The following SEMA3E variants were observed in gnomAD, a reference collection of about 807,000 sequenced individuals.
SEMA3E encodes semaphorin 3E.
In SEMA3E, 49 loss-of-function variants were observed where a neutral mutation model predicts 93.6. The ratio of observed to expected loss-of-function variants is 0.52; its 90% CI spans 0.42 to 0.66. SEMA3E has a LOEUF of 0.66. Ranked by LOEUF, SEMA3E falls within the 30% of genes least tolerant of loss-of-function variation. The pLI, the probability that SEMA3E is intolerant of heterozygous loss-of-function variation, is 0.00. For missense variants in SEMA3E, 906 were observed against 964.8 expected (o/e 0.94, Z 0.81); for synonymous variants, 363 against 330.7 (o/e 1.10, Z -1.06).
chr7:83,525,685 G>C (rs1429358218), intron 1 of SEMA3E, among the ~76,000 whole-genome samples: 1 of 149,236 alleles, frequency 6.7e-6, no homozygotes, highest in Non-Finnish European at 1.5e-5. Flanking sequence ...ATTTGATCTT[G>C]TTTCATGGAT....
intron 1 of SEMA3E, among the ~76,000 whole-genome samples, chr7:83,593,083 G>A (rs1220720455): frequency 6.6e-6 from 1 of 152,078 alleles, no homozygotes; most frequent in Non-Finnish European, 1.5e-5. Flanking sequence ...CTCCAAAAAT[G>A]CTTGGATTAC....
chr7:83,473,824 T>G (rs1789952512), intron 2 of SEMA3E, among the ~76,000 whole-genome samples: 1 of 152,124 alleles, frequency 6.6e-6, no homozygotes, highest in Non-Finnish European at 1.5e-5. Flanking sequence ...ACAGGTGAGG[T>G]GGCTCATGCC....
At chr7:83,452,755 C>T (rs1789391350) in intron 4 of SEMA3E, among the ~76,000 whole-genome samples, 1 of 152,078 alleles carries the variant, frequency 6.6e-6, no homozygotes, top group Non-Finnish European at 1.5e-5. Context: ...AGGAACAATC[C>T]CTCTATTCTA....
chr7:83,489,691 A>G (rs1042939897), intron 2 of SEMA3E, among the ~76,000 whole-genome samples: 1 of 152,134 alleles, frequency 6.6e-6, no homozygotes, highest in Non-Finnish European at 1.5e-5. Flanking sequence ...ATCCACCTGA[A>G]GTAGTGATAT....
chr7:83,494,701 T>C (rs934890051), intron 1 of SEMA3E, among the ~76,000 whole-genome samples: 3 of 151,986 alleles, frequency 2.0e-5, no homozygotes, highest in Non-Finnish European at 4.4e-5. Flanking sequence ...ACCGCTTCAC[T>C]GTACTGATTC....
intron 1 of SEMA3E, among the ~76,000 whole-genome samples, chr7:83,508,713 A>G (rs910107851): frequency 2.0e-5 from 3 of 152,296 alleles, no homozygotes; most frequent in Non-Finnish European, 2.9e-5. Context: ...TTTATTATAA[A>G]TTATCTATGG....
intron 1 of SEMA3E, among the ~76,000 whole-genome samples, chr7:83,515,031 G>C (rs1790898326): frequency 6.6e-6 from 1 of 152,036 alleles, no homozygotes. Context: ...AGCAACCTCT[G>C]TTGCCAGTAG....
In SEMA3E at chr7:83,648,938, C is replaced by T. The variant is rs949915481; in HGVS notation, c.-396G>A. On this transcript the variant is annotated 5_prime_UTR_variant, in exon 1 of 17. Coordinates refer to ENST00000643230, the MANE Select transcript of SEMA3E (RefSeq NM_012431.3). ...AAACCGAGCACACGCACTCCCTTCT[C>T]CCGTGGAGGTCCTCTCTTCGGGCTC... The T allele has an allele frequency of 4.9e-6, 1 of 204,368 alleles. No homozygotes were observed. Among genetic ancestry groups the T allele is most frequent in the Admixed American group, 5.3e-5 (1 of 18,824 alleles). The allele number at this position is 204,368 out of a possible 1,614,324, so 12.7% of individuals were successfully genotyped here.
chr7:83,642,598 A>T (rs903887577), intron 1 of SEMA3E, among the ~76,000 whole-genome samples: 1 of 152,074 alleles, frequency 6.6e-6, no homozygotes, highest in South Asian at 2.1e-4. Flanking sequence ...AAGACTAAGG[A>T]ATTAATAATA....
At chr7:83,409,523 C>G (rs544197083) in intron 5 of SEMA3E, among the ~76,000 whole-genome samples, 1 of 152,246 alleles carries the variant, frequency 6.6e-6, no homozygotes, top group African/African-American at 2.4e-5. Flanking sequence ...AGTTCTAAAA[C>G]AGATATGATT....
intron 16 of SEMA3E, chr7:83,372,934 A>T (rs1359558394): frequency 6.6e-6 from 1 of 152,176 alleles, no homozygotes; most frequent in African/African-American, 2.4e-5. Context: ...GGGTACCTCC[A>T]ACATCAAATC....
At chr7:83,627,618 G>A (rs1014983101) in intron 1 of SEMA3E, among the ~76,000 whole-genome samples, 10 of 142,078 alleles carry the variant, frequency 7.0e-5, no homozygotes, top group African/African-American at 1.8e-4. Context: ...GATGAAGATC[G>A]CAACCCCTGC....
At chr7:83,497,877 T>C (rs1486386922) in intron 1 of SEMA3E, among the ~76,000 whole-genome samples, 1 of 152,164 alleles carries the variant, frequency 6.6e-6, no homozygotes, top group African/African-American at 2.4e-5. Flanking sequence ...CAGATATACA[T>C]AGGAATAGCC....
In SEMA3E at chr7:83,490,097, G is replaced by T. The variant is rs769771402; in HGVS notation, c.276+17C>A. 5.6e-6 allele frequency: 9 copies of T among 1,610,722 alleles called. No homozygotes were observed. The highest frequency in any genetic ancestry group is 1.1e-5 in the South Asian group (1 of 90,988). ...CCTTTTCTATCTCTACTGAAATGCA[G>T]TTTGATATTTCTATACCTCTTTATA... On this transcript the variant is annotated intron_variant, in intron 2 of 16. Transcript: ENST00000643230.
Position 83,367,631 on chromosome 7 carries a change from G to A in SEMA3E, c.2283C>T (p.Ser761=), listed in dbSNP as rs80079143. 1,335 of 1,614,134 alleles carry A rather than the reference G, an allele frequency of 8.3e-4. 13 individuals carry two copies. The African/African-American group carries it at 0.016, about 19-fold the overall frequency. The change falls in exon 17 of 17, where the codon TCC becomes TCT. Residue 761 remains serine, a synonymous_variant. Transcript: ENST00000643230. The stretch of plus-strand genomic sequence containing the variant: ...TGGGCAGGCGGTAATGCTCAGGTTT[G>A]GAACGGAGCTTCTTTTCCTGAGGGT... ...YANPQEKKLR[S]KPEHYRLPRH... is the part of the protein sequence containing the mutation.
chr7:83,520,419 G>A (rs7779140), intron 1 of SEMA3E, among the ~76,000 whole-genome samples: 23,205 of 151,906 alleles, frequency 0.15, 2,352 homozygotes, highest in Middle Eastern at 0.36. Flanking sequence ...TCCTTTCTCC[G>A]TATAATCTAG....
chr7:83,497,017 C>T (rs79689544), intron 1 of SEMA3E, among the ~76,000 whole-genome samples: 2,601 of 152,158 alleles, frequency 0.017, 68 homozygotes, highest in African/African-American at 0.059. Context: ...TAAGATGAAA[C>T]TGAAATGCAC....
intron 16 of SEMA3E, 101 bp downstream of exon 16, chr7:83,385,193 C>T: frequency 2.3e-6 from 3 of 1,326,756 alleles, no homozygotes; most frequent in Non-Finnish European, 3.2e-6. Context: ...ATGCATAGTA[C>T]AACAGCTAGC....
chr7:83,396,699 A>G lies in SEMA3E; in HGVS notation c.1397T>C (p.Ile466Thr). 1 of 1,605,394 alleles carries G rather than the reference A, an allele frequency of 6.2e-7. No individual in the cohort carries two copies. Among genetic ancestry groups the G allele is most frequent in the Non-Finnish European group, 8.5e-7 (1 of 1,173,582 alleles). ...CATTGATTCCATTTCTTGGTTGTAAATTGTGATTACTTTCAGCACAATTCC... is the reference window on the plus strand; with the variant it reads ...CATTGATTCCATTTCTTGGTTGTAAGTTGTGATTACTTTCAGCACAATTCC... ...DNGIVLKVIT[I>T]YNQEMESMEE... The change falls in exon 12 of 17, where the codon ATT becomes ACT. Residue 466 changes from isoleucine (I) to threonine (T), a missense_variant. By Grantham distance (89) the Ile-to-Thr change is moderately conservative. Coordinates refer to ENST00000643230, the MANE Select transcript of SEMA3E (RefSeq NM_012431.3).
Sources: allele counts gnomAD v4.1 joint callset (sites outside exome capture counted in the v4.1 genomes callset), GRCh38; gene constraint gnomAD v4.1.1; transcripts MANE v1.5; gene names NCBI Gene and HGNC (gene_info 2026-07-23, HGNC 2026-07-21).